Variants in ANKRD31 observed in about 807,000 individuals in gnomAD.
ANKRD31 encodes ankyrin repeat domain 31, also known as ankyrin repeat domain-containing protein 31.
A neutral mutation model predicts 186.0 loss-of-function variants in ANKRD31; 147 were observed. The observed-to-expected ratio is 0.79, with a 90% CI of 0.69 to 0.91. The LOEUF (loss-of-function observed/expected upper bound fraction) is 0.91. Ranked by LOEUF, ANKRD31 falls within the 40% of genes least tolerant of loss-of-function variation. The pLI is 0.00. For missense variants in ANKRD31, 1,986 were observed against 2,148.8 expected, an observed-to-expected ratio of 0.92 and a Z score of 1.50; for synonymous variants, 673 against 736.4, an observed-to-expected ratio of 0.91 and a Z score of 1.39.
rs1167850303 is a variant in ANKRD31, at chr5:75,146,542, C to T, written c.2869G>A (p.Glu957Lys). The T allele has an allele frequency of 2.0e-6, 3 of 1,536,326 alleles. No individual in the cohort carries two copies. Among genetic ancestry groups the T allele is most frequent in the Non-Finnish European group, 2.6e-6 (3 of 1,146,438 alleles). Reference protein sequence around the residue: ...LSEDHLSQENELKAVSLTTLP... With the variant: ...LSEDHLSQENKLKAVSLTTLP... Reference sequence around the variant, plus strand: ...GTGGTTAGGCTGACTGCTTTTAACTCATTTTCCTGTGAAAGATGATCTTCA... The same window carrying T: ...GTGGTTAGGCTGACTGCTTTTAACTTATTTTCCTGTGAAAGATGATCTTCA... Residue 957 changes from glutamate (E) to lysine (K), a missense_variant, in exon 14 of 26, where the codon GAG becomes AAG. Physicochemically the swap from Glu to Lys is moderately conservative, Grantham distance 56. Coordinates refer to ENST00000506364, the MANE Select transcript of ANKRD31 (RefSeq NM_001372053.1).
intron 7 of ANKRD31, 50 bp downstream of exon 7, chr5:75,195,581 T>G (rs1265374448): frequency 7.1e-7 from 1 of 1,413,776 alleles, no homozygotes; most frequent in East Asian, 2.5e-5. Flanking sequence ...CTCAGCTAAC[T>G]TGGAACCATG....
chr5:75,085,500 C>A (rs1158723259), intron 23 of ANKRD31, among the ~76,000 whole-genome samples: 5 of 152,002 alleles, frequency 3.3e-5, no homozygotes, highest in Admixed American at 2.0e-4. Context: ...GCCTCCCATG[C>A]CTCAGCCTCC....
intron 2 of ANKRD31, among the ~76,000 whole-genome samples, chr5:75,228,046 G>A (rs1334909799): frequency 6.6e-6 from 1 of 152,194 alleles, no homozygotes; most frequent in African/African-American, 2.4e-5. Flanking sequence ...TGCCAAAAAG[G>A]TTGGGGACCG....
At chr5:75,131,022 C>G (rs559984194) in intron 17 of ANKRD31, among the ~76,000 whole-genome samples, 1 of 152,230 alleles carries the variant, frequency 6.6e-6, no homozygotes, top group Non-Finnish European at 1.5e-5. Flanking sequence ...GGTCCATGCA[C>G]GGGACCCAGC....
At position 75,146,833 on chromosome 5, in the gene ANKRD31, G is replaced by C. The variant is rs1232116862; in HGVS notation, c.2578C>G (p.Leu860Val). 5.2e-6 allele frequency: 8 copies of C among 1,536,182 alleles called. No homozygotes were observed. The highest frequency in any genetic ancestry group is 6.1e-6 in the Non-Finnish European group (7 of 1,146,302). ...VVTTDKQPHTLQEQHHVLYKS... is the reference protein window; with the variant it reads ...VVTTDKQPHTVQEQHHVLYKS... ...TAAAGTACATGGTGTTGTTCCTGGA[G>C]AGTGTGAGGCTGCTTATCTGTAGTA... The change falls in exon 14 of 26, where the codon CTC becomes GTC. Residue 860 changes from leucine to valine, a missense_variant. Transcript: ENST00000506364.
chr5:75,215,059 G>T (rs1031332350), intron 3 of ANKRD31, among the ~76,000 whole-genome samples: 1 of 152,196 alleles, frequency 6.6e-6, no homozygotes, highest in Non-Finnish European at 1.5e-5. Flanking sequence ...TATAGTTCCA[G>T]TCTAAAGGTC....
At chr5:75,129,239 C>T (rs182852648) in intron 17 of ANKRD31, among the ~76,000 whole-genome samples, 1 of 152,306 alleles carries the variant, frequency 6.6e-6, no homozygotes, top group East Asian at 1.9e-4. Context: ...TTTTAAGTTT[C>T]CTGAGGTCTC....
chr5:75,142,450 G>T (rs76131255), intron 15 of ANKRD31, among the ~76,000 whole-genome samples: 2,365 of 151,766 alleles, frequency 0.016, 72 homozygotes, highest in African/African-American at 0.054. Flanking sequence ...TTAAATTTCT[G>T]TTTTCAACAA....
rs1319762986 is a variant in ANKRD31 at position 75,146,076 on chromosome 5, T to C, written c.3335A>G (p.Asp1112Gly). ...HLESETIHNIDSHSTDNMSKE... is the reference protein window; with the variant it reads ...HLESETIHNIGSHSTDNMSKE... ...ACTCATATTGTCAGTGGAATGAGAA[T>C]CTATATTGTGTATAGTCTCACTTTC... The change falls in exon 14 of 26, where the codon GAT becomes GGT. Residue 1112 changes from aspartate (D) to glycine (G), a missense_variant. Asp to Gly is a moderately conservative substitution (Grantham distance 94). Coordinates refer to ENST00000506364, the MANE Select transcript of ANKRD31 (RefSeq NM_001372053.1). 2.6e-6 allele frequency: 4 copies of C among 1,533,228 alleles called. No individual in the cohort carries two copies. The highest frequency in any genetic ancestry group is 4.0e-5 in the Admixed American group (2 of 50,122). 95.0% of individuals were successfully genotyped at this position (1,533,228 alleles called of 1,614,324 possible).
At chr5:75,212,458 A>C (rs147088722) in intron 3 of ANKRD31, among the ~76,000 whole-genome samples, 589 of 152,042 alleles carry the variant, frequency 3.9e-3, no homozygotes, top group African/African-American at 0.013. Context: ...ACAAAAACAA[A>C]AACAACAACA....
At position 75,168,863 on chromosome 5, in the gene ANKRD31, A is replaced by C. The variant is rs1373204367; in HGVS notation, c.1707+116T>G. The C allele has an allele frequency of 5.9e-6, 6 of 1,017,964 alleles. No homozygotes were observed. The Admixed American group carries it at 9.0e-5, about 15-fold the overall frequency. 63.1% of individuals were successfully genotyped at this position (1,017,964 alleles called of 1,614,324 possible). ...ATTTCATTATAAATTCTAAGTATTC[A>C]TTAGCAGAATGAAATTAAACTAAAA... is the stretch of plus-strand genomic sequence containing the variant. On this transcript the variant is annotated intron_variant, in intron 11 of 25. Coordinates refer to ENST00000506364, the MANE Select transcript of ANKRD31 (RefSeq NM_001372053.1).
At position 75,113,877 on chromosome 5, in the gene ANKRD31, C is replaced by T. The variant is rs1314958945; in HGVS notation, c.4156-1277G>A. On this transcript the variant is annotated intron_variant, in intron 19 of 25. Coordinates refer to ENST00000506364, the MANE Select transcript of ANKRD31 (RefSeq NM_001372053.1). Reference sequence around the variant, plus strand: ...TATGGTTATAAAAGCAAACAAAAGGCCAGAATTTGTGCTCAGGCTAAGCTC... The same window carrying T: ...TATGGTTATAAAAGCAAACAAAAGGTCAGAATTTGTGCTCAGGCTAAGCTC... 2.0e-5 allele frequency among the ~76,000 whole-genome samples: 3 copies of T among 152,258 alleles called. No individual in the cohort carries two copies. In the East Asian group the frequency reaches 5.8e-4, roughly 29 times the overall value.
chr5:75,120,861 A>C (rs1055506974), intron 17 of ANKRD31, among the ~76,000 whole-genome samples: 2 of 152,164 alleles, frequency 1.3e-5, no homozygotes, highest in Admixed American at 6.6e-5. Flanking sequence ...TATGCTGCCC[A>C]CAAGAAACTC....
At chr5:75,181,951 A>G (rs1233919498) in intron 10 of ANKRD31, among the ~76,000 whole-genome samples, 1 of 152,082 alleles carries the variant, frequency 6.6e-6, no homozygotes, top group Non-Finnish European at 1.5e-5. Context: ...AAAAAATAAA[A>G]AAAATAAAAC....
intron 6 of ANKRD31, among the ~76,000 whole-genome samples, chr5:75,196,673 G>A (rs1039658431): frequency 9.9e-5 from 15 of 152,128 alleles, no homozygotes; most frequent in Non-Finnish European, 1.9e-4. Context: ...TAAATGTGGA[G>A]TAAAGAGGCC....
rs547510853 is a variant in ANKRD31 at position 75,230,706 on chromosome 5, A to G, written c.105-71T>C. ...AACAAAGACTAACATTTTACCCATC[A>G]TTTTTATTATACCAAAACTTGCTAA... is the stretch of plus-strand genomic sequence containing the variant. On this transcript the variant is annotated intron_variant, in intron 1 of 25. Transcript: ENST00000506364. 3 of 1,156,078 alleles carry G rather than the reference A, an allele frequency of 2.6e-6. No individual in the cohort carries two copies. In the South Asian group the frequency reaches 4.2e-5, roughly 16 times the overall value. The allele number at this position is 1,156,078 out of a possible 1,614,324, so 71.6% of individuals were successfully genotyped here. A position where few individuals can be genotyped will look rare whatever the true frequency, so the allele number is the denominator to read the frequency against.
intron 15 of ANKRD31, 123 bp from the exon 16 acceptor site, chr5:75,139,106 G>A: frequency 9.5e-7 from 1 of 1,050,570 alleles, no homozygotes; most frequent in Non-Finnish European, 1.3e-6. Flanking sequence ...ATCAATTAAT[G>A]TTATCATTGC....
At chr5:75,156,835 T>A (rs1038011338) in intron 11 of ANKRD31, among the ~76,000 whole-genome samples, 1 of 152,182 alleles carries the variant, frequency 6.6e-6, no homozygotes, top group African/African-American at 2.4e-5. Flanking sequence ...GCCCCACTGA[T>A]ATCTTGATTT....
chr5:75,216,091 T>A (rs572077089), intron 3 of ANKRD31, among the ~76,000 whole-genome samples: 1 of 152,278 alleles, frequency 6.6e-6, no homozygotes, highest in South Asian at 2.1e-4. Context: ...GAAAGTTTTT[T>A]AAAAAGAACC....
Sources: gnomAD v4.1 joint callset for allele counts (sites outside exome capture counted in the v4.1 genomes callset) on GRCh38, gnomAD v4.1.1 for gene constraint, MANE v1.5 for transcripts, NCBI Gene and HGNC (gene_info 2026-07-23, HGNC 2026-07-21) for gene names.